Variants in MYH15 observed in about 807,000 individuals in gnomAD.
MYH15 encodes myosin-15.
Under a neutral mutation model 240.5 loss-of-function variants are expected in MYH15, and 227 were observed. The observed-to-expected ratio is 0.94, with a 90% CI of 0.85 to 1.05. MYH15 has a LOEUF of 1.05. MYH15 is among the 50% of genes least tolerant of loss of function. The pLI, the probability that MYH15 is intolerant of heterozygous loss-of-function variation, is 0.00. For synonymous variants in MYH15, 785 were observed against 796.7 expected (o/e 0.99, Z 0.25); for missense variants, 2,217 against 2,247.5 (o/e 0.99, Z 0.27).
At chr3:108,506,831 G>C (rs2083480067) in intron 1 of MYH15, among the ~76,000 whole-genome samples, 1 of 152,198 alleles carries the variant, frequency 6.6e-6, no homozygotes, top group Non-Finnish European at 1.5e-5. Context: ...AGGAGTTCGA[G>C]ACCAGCCTGG....
Position 108,454,047 on chromosome 3 carries a change from G to C in MYH15, c.2358C>G (p.Gly786=). Reference sequence around the variant, plus strand: ...TCTGGAATTTGATTCGCATCAGTTTGCCCTGTGCTCTGGCTTGGAACAATG... The same window carrying C: ...TCTGGAATTTGATTCGCATCAGTTTCCCCTGTGCTCTGGCTTGGAACAATG... ...VFTLFQARAQ[G]KLMRIKFQKI... The change falls in exon 21 of 41, where the codon GGC becomes GGG. Residue 786 remains glycine, a synonymous_variant. Coordinates refer to ENST00000693548, the MANE Select transcript of MYH15 (RefSeq NM_014981.3). 6.2e-7 allele frequency: 1 copy of C among 1,612,622 alleles called. No individual in the cohort carries two copies. Among genetic ancestry groups the C allele is most frequent in the Non-Finnish European group, 8.5e-7 (1 of 1,179,094 alleles).
chr3:108,493,660 G>C (rs1379435444), intron 7 of MYH15, among the ~76,000 whole-genome samples: 3 of 152,150 alleles, frequency 2.0e-5, no homozygotes, highest in Non-Finnish European at 2.9e-5. Flanking sequence ...GAATCTTATA[G>C]TCTACTGGAT....
chr3:108,431,359 G>T (rs1181675656), intron 25 of MYH15, among the ~76,000 whole-genome samples: 1 of 152,198 alleles, frequency 6.6e-6, no homozygotes, highest in Non-Finnish European at 1.5e-5. Flanking sequence ...GGAGGTAATT[G>T]AATCATGGGG....
rs563821846 is a variant in MYH15 at position 108,470,835 on chromosome 3, C to T, written c.1246G>A (p.Val416Ile). 17 of 1,613,404 alleles carry T rather than the reference C, an allele frequency of 1.1e-5. No individual in the cohort carries two copies. The highest frequency in any genetic ancestry group is 1.4e-5 in the Non-Finnish European group (16 of 1,179,626). ...GQTIEQVTCA[V>I]GALSKSMYER... ...TACATTGACTTGGACAGGGCACCGA[C>T]AGCACAGGTTACCTAGAAATCACAT... The change falls in exon 13 of 41, where the codon GTC (valine) becomes ATC (isoleucine). Residue 416 changes from valine (V) to isoleucine (I), a missense_variant. By Grantham distance (29) the Val-to-Ile change is conservative. Transcript: ENST00000693548.
intron 30 of MYH15, among the ~76,000 whole-genome samples, chr3:108,412,222 G>A (rs976702019): frequency 2.0e-5 from 3 of 152,182 alleles, no homozygotes; most frequent in African/African-American, 7.2e-5. Flanking sequence ...GGACTAGTGG[G>A]AGGTAATTTA....
intron 27 of MYH15, among the ~76,000 whole-genome samples, chr3:108,425,444 G>T (rs1444801724): frequency 6.6e-6 from 1 of 152,144 alleles, no homozygotes; most frequent in Non-Finnish European, 1.5e-5. Flanking sequence ...AAGCAAAAAA[G>T]ATAATTTAGG....
intron 25 of MYH15, among the ~76,000 whole-genome samples, chr3:108,435,138 T>C (rs1048748076): frequency 2.8e-4 from 42 of 152,360 alleles, no homozygotes; most frequent in Non-Finnish European, 5.6e-4. Flanking sequence ...TCTCACTTTA[T>C]AACTTGTCTC....
Position 108,400,448 on chromosome 3 carries a change from A to T in MYH15, c.4737-1181T>A, listed in dbSNP as rs115006332. ...TCTATTCTTCTTTCTCATAGAGCCT[A>T]TCTCCACAAATCAGATTAGATCAGA... On this transcript the variant is annotated intron_variant, in intron 33 of 40. Coordinates refer to ENST00000693548, the MANE Select transcript of MYH15 (RefSeq NM_014981.3). Among the ~76,000 whole-genome samples, 815 of 152,266 alleles carry T rather than the reference A, an allele frequency of 5.4e-3. 8 individuals are homozygous for T. The highest frequency in any genetic ancestry group is 0.019 in the African/African-American group (780 of 41,548).
At chr3:108,529,296 T>G (rs753518617) in exon 1 of MYH15, 13 of 1,581,400 alleles carry the variant, frequency 8.2e-6, no homozygotes, top group Non-Finnish European at 1.1e-5. Flanking sequence ...GTAAATACAA[T>G]TAAAATGATC....
intron 27 of MYH15, among the ~76,000 whole-genome samples, chr3:108,427,627 C>CAA (rs2082736041): frequency 8.9e-6 from 1 of 112,552 alleles, no homozygotes; most frequent in Non-Finnish European, 2.0e-5. Context: ...AACACACACA[C>CAA]ACACACACAG....
intron 2 of MYH15, 23 bp downstream of exon 2, chr3:108,505,700 C>A: frequency 7.2e-7 from 1 of 1,381,714 alleles, no homozygotes; most frequent in Admixed American, 1.7e-5. Context: ...GTCATCACTG[C>A]AATGAAATAA....
rs189063711 is a variant in MYH15 at position 108,407,428 on chromosome 3, G to A, written c.4620+852C>T. On this transcript the variant is annotated intron_variant, in intron 32 of 40. Coordinates refer to ENST00000693548, the MANE Select transcript of MYH15 (RefSeq NM_014981.3). The stretch of plus-strand genomic sequence containing the variant: ...GGCTGAGTCAGGAAGATGAAGTTCA[G>A]CTCTGAGAAGAGGCTGCACAGGGCT... 3.3e-5 allele frequency among the ~76,000 whole-genome samples: 5 copies of A among 152,264 alleles called. No homozygotes were observed. The East Asian group carries it at 9.6e-4, about 29-fold the overall frequency.
At chr3:108,490,868 C>A (rs1038679804) in intron 9 of MYH15, among the ~76,000 whole-genome samples, 1 of 151,926 alleles carries the variant, frequency 6.6e-6, no homozygotes, top group Non-Finnish European at 1.5e-5. Context: ...ATATAACCTA[C>A]AAAGAAATTA....
intron 39 of MYH15, among the ~76,000 whole-genome samples, chr3:108,384,126 G>C (rs568326267): frequency 6.6e-6 from 1 of 152,262 alleles, no homozygotes; most frequent in African/African-American, 2.4e-5. Context: ...CCTTGGGCTA[G>C]AACAGGTAGT....
intron 35 of MYH15, among the ~76,000 whole-genome samples, chr3:108,394,367 TAA>T (rs905101694): frequency 5.3e-5 from 8 of 152,164 alleles, no homozygotes; most frequent in African/African-American, 1.9e-4. Context: ...AGTTCAAGAC[TAA>T]AGAGATGGCA....
intron 7 of MYH15, among the ~76,000 whole-genome samples, chr3:108,494,870 A>G (rs935705208): frequency 6.6e-6 from 1 of 151,824 alleles, no homozygotes; most frequent in Non-Finnish European, 1.5e-5. Flanking sequence ...CTTTTTTAAA[A>G]TGTTCTTTTT....
chr3:108,508,001 TTCTC>T, intron 1 of MYH15, among the ~76,000 whole-genome samples: 1 of 152,278 alleles, frequency 6.6e-6, no homozygotes, highest in Non-Finnish European at 1.5e-5. Context: ...CTGTCTCTCT[TTCTC>T]TTTCTTTTTA....
intron 27 of MYH15, among the ~76,000 whole-genome samples, chr3:108,426,623 G>A (rs2082726677): frequency 6.6e-6 from 1 of 152,222 alleles, no homozygotes; most frequent in Non-Finnish European, 1.5e-5. Context: ...AGGATATTTT[G>A]GAGAGCCTTG....
intron 21 of MYH15, among the ~76,000 whole-genome samples, chr3:108,453,512 C>CCAATGCCT (rs2082992134): frequency 6.6e-6 from 1 of 152,142 alleles, no homozygotes; most frequent in Admixed American, 6.5e-5. Flanking sequence ...TAAGAATGTA[C>CCAATGCCT]AAGCATGGTG....
Sources: gnomAD v4.1 joint callset for allele counts (sites outside exome capture counted in the v4.1 genomes callset) on GRCh38, gnomAD v4.1.1 for gene constraint, MANE v1.5 for transcripts, NCBI Gene and HGNC (gene_info 2026-07-23, HGNC 2026-07-21) for gene names.